Variants in SGO1 observed in about 807,000 individuals in gnomAD.
The protein encoded by SGO1 is shugoshin 1.
Under a neutral mutation model 50.5 loss-of-function variants are expected in SGO1, and 39 were observed. The observed-to-expected ratio is 0.77, with a 90% confidence interval of 0.60 to 1.01. The LOEUF is 1.01. Ranked by LOEUF, SGO1 falls within the 50% of genes least tolerant of loss-of-function variation. The probability of loss-of-function intolerance (pLI) is 0.00; values close to 1 mark genes in which losing one functional copy is unlikely to be tolerated. For missense variants in SGO1, 638 were observed against 606.0 expected (o/e 1.05, Z -0.55); for synonymous variants, 191 against 205.1 (o/e 0.93, Z 0.59).
At chr3:20,168,713 G>A (rs529742282), downstream of SGO1, among the ~76,000 whole-genome samples, 2 of 151,398 alleles carry the variant, frequency 1.3e-5, no homozygotes, top group Non-Finnish European at 2.9e-5. Flanking sequence ...CACCATCTCG[G>A]CTCACTGCAA....
downstream of SGO1, among the ~76,000 whole-genome samples, chr3:20,168,658 T>TA (rs1700436596): frequency 1.3e-5 from 2 of 151,630 alleles, no homozygotes; most frequent in African/African-American, 4.8e-5. Context: ...TTTTTTTTTT[T>TA]TTGAGATGGA....
rs1170057776 is a variant in SGO1 at position 20,170,744 on chromosome 3, T to C, written c.1544A>G (p.Asp515Gly). The change falls in exon 8 of 8, where the codon GAT becomes GGT. Residue 515 changes from aspartate to glycine, a missense_variant. Transcript: ENST00000412997. ...LNSPIFKQKK[D>G]LRRSKKSMKQ... ...CATACTTTTTTTAGAACGTCTCAAA[T>C]CCTTTTTCTGCTTGAAAATAGGAGA... 1 of 1,592,662 alleles carries C rather than the reference T, an allele frequency of 6.3e-7. No individual in the cohort carries two copies. The highest frequency in any genetic ancestry group is 8.5e-7 in the Non-Finnish European group (1 of 1,175,194).
intron 5 of SGO1, among the ~76,000 whole-genome samples, chr3:20,175,860 A>G (rs937648089): frequency 6.6e-6 from 1 of 152,176 alleles, no homozygotes; most frequent in African/African-American, 2.4e-5. Context: ...AATAGTCTAT[A>G]TGTATCATTG....
In SGO1 at chr3:20,183,913, A is replaced by G; in HGVS notation, c.115T>C (p.Phe39Leu). Residue 39 changes from phenylalanine to leucine, a missense_variant, in exon 2 of 8, where the codon TTT becomes CTT. By Grantham distance (22) the Phe-to-Leu change is conservative. Transcript: ENST00000412997. Reference protein sequence around the residue: ...NLAEIGKRRSFIAAPCQIITN... With the variant: ...NLAEIGKRRSLIAAPCQIITN... The stretch of plus-strand genomic sequence containing the variant: ...ATTATTTGGCATGGTGCAGCTATAA[A>G]AGACCTGCGTTTGCCAATCTCTGCC... 1 of 1,612,316 alleles carries G rather than the reference A, an allele frequency of 6.2e-7. No individual in the cohort carries two copies. Among genetic ancestry groups the G allele is most frequent in the East Asian group, 2.2e-5 (1 of 44,820 alleles).
At chr3:20,182,975 G>A (rs955745071) in intron 3 of SGO1, among the ~76,000 whole-genome samples, 1 of 151,678 alleles carries the variant, frequency 6.6e-6, no homozygotes, top group African/African-American at 2.4e-5. Flanking sequence ...CCGAGATCGC[G>A]CCACTGCACT....
At position 20,174,963 on chromosome 3, in the gene SGO1, A is replaced by G. The variant is rs1390417804; in HGVS notation, c.568T>C (p.Ser190Pro). Reference sequence around the variant, plus strand: ...TGTTTCTTTAAACTGCTACGAACAGATACAGTTCTAGGTAAGACATTATCA... The same window carrying G: ...TGTTTCTTTAAACTGCTACGAACAGGTACAGTTCTAGGTAAGACATTATCA... Reference protein sequence around the residue: ...STDNVLPRTVSVRSSLKKHCN... With the variant: ...STDNVLPRTVPVRSSLKKHCN... The change falls in exon 6 of 8, where the codon TCT (serine) becomes CCT (proline). Residue 190 changes from serine to proline, a missense_variant. Coordinates refer to ENST00000412997, the MANE Select transcript of SGO1 (RefSeq NM_001199251.3). The G allele has an allele frequency of 4.3e-6, 7 of 1,613,798 alleles. No individual in the cohort carries two copies. In the African/African-American group the frequency reaches 5.3e-5, roughly 12 times the overall value.
intron 1 of SGO1, among the ~76,000 whole-genome samples, chr3:20,184,524 T>C (rs1034896783): frequency 2.0e-5 from 3 of 152,242 alleles, no homozygotes; most frequent in Non-Finnish European, 4.4e-5. Flanking sequence ...TTCAACTATT[T>C]TTCCATACTC....
chr3:20,170,467 G>T lies in SGO1; in HGVS notation c.*237C>A. 1 of 1,073,772 alleles carries T rather than the reference G, an allele frequency of 9.3e-7. No homozygotes were observed. The highest frequency in any genetic ancestry group is 1.1e-6 in the Non-Finnish European group (1 of 888,122). The allele number at this position is 1,073,772 out of a possible 1,614,324, so 66.5% of individuals were successfully genotyped here. On this transcript the variant is annotated 3_prime_UTR_variant, in exon 8 of 8. Transcript: ENST00000412997. ...AGGCAGCATAAGAAATCGATATGAT[G>T]ATAATGCTTAAGCTCAGTTATTTAT...
chr3:20,166,319 C>T (rs9830249), downstream of SGO1, among the ~76,000 whole-genome samples: 28 of 152,258 alleles, frequency 1.8e-4, no homozygotes, highest in African/African-American at 6.7e-4. Context: ...TTTGAATAGA[C>T]ATTTCTTCAA....
At chr3:20,174,105 A>G in intron 6 of SGO1, 144 bp downstream of exon 6, 2 of 672,160 alleles carry the variant, frequency 3.0e-6, no homozygotes, top group Admixed American at 2.9e-5. Flanking sequence ...CTGTTTAATC[A>G]GACCATAACT....
chr3:20,174,953 C>G lies in SGO1; in HGVS notation c.578G>C (p.Ser193Thr). 1 of 1,614,002 alleles carries G rather than the reference C, an allele frequency of 6.2e-7. No homozygotes were observed. The highest frequency in any genetic ancestry group is 2.2e-5 in the East Asian group (1 of 44,854). Residue 193 changes from serine (S) to threonine (T), a missense_variant, in exon 6 of 8, where the codon AGC (serine) becomes ACC (threonine). Ser to Thr is a moderately conservative substitution (Grantham distance 58). Transcript: ENST00000412997. The stretch of plus-strand genomic sequence containing the variant: ...ACTGTTACAATGTTTCTTTAAACTG[C>G]TACGAACAGATACAGTTCTAGGTAA... ...NVLPRTVSVR[S>T]SLKKHCNSIC... is the part of the protein sequence containing the mutation.
At chr3:20,178,868 T>C (rs1701691964) in intron 3 of SGO1, among the ~76,000 whole-genome samples, 1 of 152,202 alleles carries the variant, frequency 6.6e-6, no homozygotes, top group Non-Finnish European at 1.5e-5. Context: ...GCCATGAGTT[T>C]AGATTTTAGT....
At chr3:20,171,262 T>TA (rs369158870) in intron 6 of SGO1, 30 bp from the exon 7 acceptor site, 25,853 of 1,183,402 alleles carry the variant, frequency 0.022, no homozygotes, top group South Asian at 0.037. Flanking sequence ...GAATATGATT[T>TA]AAAAAAAAAA....
At chr3:20,165,590 G>A (rs1025455047), downstream of SGO1, among the ~76,000 whole-genome samples, 10 of 152,090 alleles carry the variant, frequency 6.6e-5, no homozygotes, top group African/African-American at 2.4e-4. Flanking sequence ...AACATAGAAA[G>A]ATAAGATGGT....
chr3:20,161,024 G>A (rs1453797195), exon 9 of SGO1: 2 of 1,593,578 alleles, frequency 1.3e-6, no homozygotes, highest in African/African-American at 1.4e-5. Flanking sequence ...AACACATAAA[G>A]CTAGAATCTA....
At chr3:20,163,045 A>G (rs1700120197) in intron 8 of SGO1, among the ~76,000 whole-genome samples, 2 of 152,158 alleles carry the variant, frequency 1.3e-5, no homozygotes, top group Non-Finnish European at 2.9e-5. Context: ...AGAAGTCTTA[A>G]TTCATAGTAC....
intron 5 of SGO1, 78 bp downstream of exon 5, chr3:20,176,519 TTAGA>T: frequency 1.2e-6 from 1 of 840,992 alleles, no homozygotes; most frequent in Non-Finnish European, 1.9e-6. Context: ...AAAAAAAGAA[TTAGA>T]TAAATTTAAT....
chr3:20,161,030 A>G (rs1345658151), exon 9 of SGO1: 1 of 1,597,508 alleles, frequency 6.3e-7, no homozygotes, highest in African/African-American at 1.4e-5. Context: ...TAAAGCTAGA[A>G]TCTATTAAAG....
downstream of SGO1, among the ~76,000 whole-genome samples, chr3:20,166,382 C>A (rs957116723): frequency 6.6e-6 from 1 of 152,068 alleles, no homozygotes; most frequent in Admixed American, 6.5e-5. Flanking sequence ...TGTATACATA[C>A]AATGAGATGT....
Sources: gnomAD v4.1 joint callset for allele counts (sites outside exome capture counted in the v4.1 genomes callset) on GRCh38, gnomAD v4.1.1 for gene constraint, MANE v1.5 for transcripts, NCBI Gene and HGNC (gene_info 2026-07-23, HGNC 2026-07-21) for gene names.